The following CDH2 variants were observed in gnomAD, a reference collection of about 807,000 sequenced individuals.
CDH2 encodes cadherin-2.
CDH2 carries 17 observed loss-of-function variants against 92.0 expected under a neutral mutation model. The observed-to-expected ratio is 0.18, with a 90% CI of 0.13 to 0.28. CDH2 has a LOEUF of 0.28. Among genes scored for constraint, CDH2 ranks in the 10% least tolerant of loss-of-function variants. The probability of loss-of-function intolerance (pLI) is 1.00; values close to 1 mark genes in which losing one functional copy is unlikely to be tolerated. For synonymous variants in CDH2, 419 were observed against 415.9 expected (o/e 1.01, Z -0.09); for missense variants, 862 against 1,133.1 (o/e 0.76, Z 3.44).
At position 28,147,886 on chromosome 18, in the gene CDH2, T is replaced by C; in HGVS notation, c.61-102A>G. On this transcript the variant is annotated intron_variant, in intron 1 of 15. Coordinates refer to ENST00000269141, the MANE Select transcript of CDH2 (RefSeq NM_001792.5). ...TAAAGCCTCATTTTTTCAACTATCT[T>C]GTACAAACAACCCCTTTGTTTCCAA... 9 of 658,200 alleles carry C rather than the reference T, an allele frequency of 1.4e-5. 1 individual carries two copies. The South Asian group carries it at 1.7e-4, about 12-fold the overall frequency. The allele number at this position is 658,200 out of a possible 1,614,324, so 40.8% of individuals were successfully genotyped here.
At chr18:28,075,814 C>A (rs1025733548) in intron 2 of CDH2, among the ~76,000 whole-genome samples, 1 of 152,152 alleles carries the variant, frequency 6.6e-6, no homozygotes, top group Non-Finnish European at 1.5e-5. Flanking sequence ...GACCACAGAT[C>A]TTTAAATTGA....
At chr18:28,022,761 G>C (rs187744003) in intron 2 of CDH2, among the ~76,000 whole-genome samples, 1 of 152,138 alleles carries the variant, frequency 6.6e-6, no homozygotes, top group African/African-American at 2.4e-5. Flanking sequence ...TGCTCTAATA[G>C]TTTTAATACT....
intron 1 of CDH2, among the ~76,000 whole-genome samples, chr18:28,168,192 G>A (rs978372510): frequency 6.6e-6 from 1 of 151,952 alleles, no homozygotes; most frequent in African/African-American, 2.4e-5. Flanking sequence ...GTCAAGCCAA[G>A]TGTATCCACC....
At chr18:27,978,615 G>A (rs990945828) in intron 14 of CDH2, among the ~76,000 whole-genome samples, 2 of 150,930 alleles carry the variant, frequency 1.3e-5, no homozygotes, top group Non-Finnish European at 1.5e-5. Flanking sequence ...TGTAGTTGGG[G>A]GGGGGGATTC....
At chr18:27,948,318 T>C (rs1490352308), downstream of CDH2, among the ~76,000 whole-genome samples, 4 of 151,860 alleles carry the variant, frequency 2.6e-5, no homozygotes, top group East Asian at 3.9e-4. Flanking sequence ...TTTTAACAAG[T>C]AGTGTTTGGA....
intron 2 of CDH2, among the ~76,000 whole-genome samples, chr18:28,124,439 T>C (rs2015641636): frequency 2.0e-5 from 3 of 152,130 alleles, no homozygotes; most frequent in African/African-American, 7.2e-5. Context: ...AGGCCAAGCA[T>C]GTGTTTCCCA....
intron 2 of CDH2, among the ~76,000 whole-genome samples, chr18:28,070,837 A>G (rs750566053): frequency 6.6e-6 from 1 of 152,246 alleles, no homozygotes; most frequent in Non-Finnish European, 1.5e-5. Context: ...ACGAATCATG[A>G]GCAATCCATC....
chr18:27,973,929 G>C (rs749313026), intron 14 of CDH2, among the ~76,000 whole-genome samples: 8 of 152,156 alleles, frequency 5.3e-5, no homozygotes, highest in Non-Finnish European at 1.2e-4. Flanking sequence ...ACTGTGTAGA[G>C]AGAAGCAGAC....
At chr18:28,170,991 G>C (rs2016456487) in intron 1 of CDH2, among the ~76,000 whole-genome samples, 1 of 151,640 alleles carries the variant, frequency 6.6e-6, no homozygotes, top group South Asian at 2.1e-4. Context: ...CACTTCGGGA[G>C]GCCGAGGCAG....
chr18:28,107,153 C>A (rs888305432), intron 2 of CDH2, among the ~76,000 whole-genome samples: 1 of 151,964 alleles, frequency 6.6e-6, no homozygotes, highest in Non-Finnish European at 1.5e-5. Flanking sequence ...ACAAAATCAA[C>A]GTTAATCATT....
chr18:27,981,044 G>C (rs577890735), intron 14 of CDH2, among the ~76,000 whole-genome samples: 1 of 152,224 alleles, frequency 6.6e-6, no homozygotes, highest in South Asian at 2.1e-4. Context: ...GGAAGATTCA[G>C]ATTAGGTGAC....
chr18:28,022,246 C>T (rs2013430124), intron 2 of CDH2, among the ~76,000 whole-genome samples: 1 of 151,958 alleles, frequency 6.6e-6, no homozygotes, highest in Admixed American at 6.6e-5. Flanking sequence ...ATCCTTTCCA[C>T]ACATGTACAA....
intron 2 of CDH2, among the ~76,000 whole-genome samples, chr18:28,020,629 T>A (rs1469115941): frequency 6.6e-6 from 1 of 151,978 alleles, no homozygotes; most frequent in African/African-American, 2.4e-5. Context: ...ATGAAGCAGT[T>A]TTATTATTTT....
intron 2 of CDH2, among the ~76,000 whole-genome samples, chr18:28,050,181 T>C (rs779344934): frequency 1.3e-5 from 2 of 152,196 alleles, no homozygotes; most frequent in Admixed American, 6.5e-5. Flanking sequence ...TGGTTTGTTA[T>C]GCAGCATCAC....
chr18:27,957,441 G>GTT (rs58110554), intron 15 of CDH2, among the ~76,000 whole-genome samples: 39,199 of 151,350 alleles, frequency 0.26, 5,251 homozygotes, highest in East Asian at 0.45. Context: ...TGTATAGAGG[G>GTT]TTTTTTTATC....
At chr18:28,170,563 T>C (rs1304942009) in intron 1 of CDH2, among the ~76,000 whole-genome samples, 1 of 152,130 alleles carries the variant, frequency 6.6e-6, no homozygotes, top group Non-Finnish European at 1.5e-5. Context: ...GGCAGGATGG[T>C]CTTGATCTCC....
At chr18:28,094,479 C>T (rs868463774) in intron 2 of CDH2, among the ~76,000 whole-genome samples, 7 of 151,692 alleles carry the variant, frequency 4.6e-5, no homozygotes, top group African/African-American at 1.7e-4. Flanking sequence ...CAGAGTTAGA[C>T]TCTGTCCTTA....
chr18:28,027,988 T>G (rs1377080851), intron 2 of CDH2, among the ~76,000 whole-genome samples: 1 of 152,112 alleles, frequency 6.6e-6, no homozygotes, highest in Non-Finnish European at 1.5e-5. Flanking sequence ...AAATTTGATG[T>G]AATTTAGTTA....
intron 9 of CDH2, among the ~76,000 whole-genome samples, chr18:27,991,691 G>C (rs920676223): frequency 6.6e-6 from 1 of 152,166 alleles, no homozygotes; most frequent in Non-Finnish European, 1.5e-5. Flanking sequence ...GCAGAGCTGG[G>C]ACTCTAACAC....
Sources: allele counts gnomAD v4.1 joint callset (sites outside exome capture counted in the v4.1 genomes callset), GRCh38; gene constraint gnomAD v4.1.1; transcripts MANE v1.5; gene names NCBI Gene and HGNC (gene_info 2026-07-23, HGNC 2026-07-21).